Variants in ETV7 observed in about 807,000 individuals in gnomAD.
ETV7 encodes the protein ETS variant transcription factor 7, also known as transcription factor ETV7.
In ETV7, 43 loss-of-function variants were observed where a neutral mutation model predicts 39.1. The ratio of observed to expected loss-of-function variants is 1.10; its 90% CI spans 0.86 to 1.42. The LOEUF (loss-of-function observed/expected upper bound fraction) is 1.42. ETV7 is among the 40% of genes most tolerant of loss of function. The probability of loss-of-function intolerance (pLI) is 0.00; values close to 1 mark genes in which losing one functional copy is unlikely to be tolerated. For synonymous variants in ETV7, 196 were observed against 176.6 expected, an observed-to-expected ratio of 1.11 and a Z score of -0.87; for missense variants, 432 against 442.3, an observed-to-expected ratio of 0.98 and a Z score of 0.21.
intron 6 of ETV7, 110 bp from the exon 7 acceptor site, chr6:36,367,085 G>C (rs1027969899): frequency 1.2e-6 from 1 of 835,910 alleles, no homozygotes; most frequent in Non-Finnish European, 2.0e-6. Flanking sequence ...TCATTCCAGG[G>C]ATCTGTGAGG....
rs370597315 is a variant in ETV7, at chr6:36,376,162, G to C, written c.143-127C>G. ...CCAACCCCCATCATCTTCTGTCGCT[G>C]CCACCTGTTTCTTTCCTTCCTAGCA... On this transcript the variant is annotated intron_variant, in intron 2 of 7. Transcript: ENST00000340181. 1.6e-5 allele frequency: 12 copies of C among 765,678 alleles called. No homozygotes were observed. The Admixed American group carries it at 3.7e-4, about 23-fold the overall frequency. The allele number at this position is 765,678 out of a possible 1,614,324, so 47.4% of individuals were successfully genotyped here. A position where few individuals can be genotyped will look rare whatever the true frequency, so the allele number is the denominator to read the frequency against.
At chr6:36,360,143 G>A (rs148316919) in intron 7 of ETV7, among the ~76,000 whole-genome samples, 6,264 of 152,048 alleles carry the variant, frequency 0.041, 242 homozygotes, top group East Asian at 0.13. Flanking sequence ...CGCCCGCCTC[G>A]GCCTCCCAAA....
rs147857083 is a variant in ETV7 at position 36,376,196 on chromosome 6, T to C, written c.143-161A>G. Among the ~76,000 whole-genome samples, 359 of 152,354 alleles carry C rather than the reference T, an allele frequency of 2.4e-3. 1 individual carries two copies. Among genetic ancestry groups the C allele is most frequent in the African/African-American group, 8.4e-3 (351 of 41,580 alleles). On this transcript the variant is annotated intron_variant, in intron 2 of 7. Transcript: ENST00000340181. The stretch of plus-strand genomic sequence containing the variant: ...TTCTTTCCTTCCTAGCATGTTACGT[T>C]CTTTGTAATTACATTTTACATTGGA...
chr6:36,364,112 A>G (rs552760608), downstream of ETV7, among the ~76,000 whole-genome samples: 75 of 151,974 alleles, frequency 4.9e-4, no homozygotes, highest in African/African-American at 1.7e-3. Context: ...CAATCCCTGA[A>G]CTAGACATAA....
intron 7 of ETV7, among the ~76,000 whole-genome samples, chr6:36,356,340 C>CAAAA (rs979143117): frequency 7.8e-6 from 1 of 128,288 alleles, no homozygotes; most frequent in Non-Finnish European, 1.6e-5. Flanking sequence ...AAAAAAAAAA[C>CAAAA]AAAAAAAAAC....
In ETV7 at chr6:36,371,359, G is replaced by A. The variant is rs2234079; in HGVS notation, c.635C>T (p.Pro212Leu). The change falls in exon 5 of 8, where the codon CCG (proline) becomes CTG (leucine). Residue 212 changes from proline to leucine, a missense_variant. Physicochemically the swap from Pro to Leu is moderately conservative, Grantham distance 98. Coordinates refer to ENST00000340181, the MANE Select transcript of ETV7 (RefSeq NM_016135.4). ...GATCCTGCCGTCAATGGGGGCCTGC[G>A]GCATCGCGGGGAAGGAACAGACCCC... ...TQGVCSFPAM[P>L]QAPIDGRIAD... The A allele has an allele frequency of 0.026, 41,431 of 1,595,568 alleles. 1,727 individuals are homozygous for A. Among genetic ancestry groups the A allele is most frequent in the East Asian group, 0.17 (7,349 of 43,868 alleles).
Position 36,371,432 on chromosome 6 carries a change from C to T in ETV7, c.562G>A (p.Glu188Lys), listed in dbSNP as rs747141817. 5.6e-6 allele frequency: 9 copies of T among 1,601,304 alleles called. No homozygotes were observed. Among genetic ancestry groups the T allele is most frequent in the African/African-American group, 5.3e-5 (4 of 74,824 alleles). The change falls in exon 5 of 8, where the codon GAG becomes AAG. Residue 188 changes from glutamate to lysine, a missense_variant. Coordinates refer to ENST00000340181, the MANE Select transcript of ETV7 (RefSeq NM_016135.4). ...GLARWTPGKE[E>K]SLNLCHCAEL... ...GCACAGTGACATAAGTTGAGGGACT[C>T]CTCCTTGCCAGGGGTCCACCTTGCC...
intron 7 of ETV7, among the ~76,000 whole-genome samples, chr6:36,361,016 A>C (rs972411002): frequency 8.5e-5 from 13 of 152,100 alleles, no homozygotes; most frequent in African/African-American, 3.1e-4. Flanking sequence ...CTTCTGTGCA[A>C]ACTTTCCAAG....
At chr6:36,362,447 C>T (rs1772524390), downstream of ETV7, among the ~76,000 whole-genome samples, 1 of 151,880 alleles carries the variant, frequency 6.6e-6, no homozygotes, top group African/African-American at 2.4e-5. Flanking sequence ...TGAGTGACAG[C>T]AAAACACCTC....
downstream of ETV7, among the ~76,000 whole-genome samples, chr6:36,361,773 T>C (rs1227411888): frequency 1.3e-5 from 2 of 152,274 alleles, no homozygotes; most frequent in African/African-American, 4.8e-5. Context: ...TATACTCATT[T>C]TTCATAAATT....
chr6:36,382,569 G>A (rs756492800), intron 2 of ETV7, among the ~76,000 whole-genome samples: 2 of 152,122 alleles, frequency 1.3e-5, no homozygotes, highest in Non-Finnish European at 2.9e-5. Flanking sequence ...AACTGTTAGC[G>A]CTGATCTATT....
At chr6:36,367,707 C>T (rs1772802024) in intron 6 of ETV7, among the ~76,000 whole-genome samples, 1 of 151,878 alleles carries the variant, frequency 6.6e-6, no homozygotes. Flanking sequence ...TTCTTTCTCT[C>T]TCGGGGGTAG....
chr6:36,369,472 CCACT>C (rs1443864446), intron 5 of ETV7, among the ~76,000 whole-genome samples: 1 of 152,212 alleles, frequency 6.6e-6, no homozygotes, highest in Non-Finnish European at 1.5e-5. Flanking sequence ...TGCCCCTGGC[CCACT>C]CACTCAGCCC....
downstream of ETV7, among the ~76,000 whole-genome samples, chr6:36,363,513 G>C (rs1237019964): frequency 1.3e-5 from 2 of 152,270 alleles, no homozygotes; most frequent in Non-Finnish European, 2.9e-5. Context: ...GGCTTCAGGA[G>C]TGAAGCTGCA....
chr6:36,372,111 C>T (rs1773059762), intron 4 of ETV7, among the ~76,000 whole-genome samples: 1 of 152,200 alleles, frequency 6.6e-6, no homozygotes, highest in Non-Finnish European at 1.5e-5. Flanking sequence ...GCAGGGGTTG[C>T]CACTTTAGAG....
intron 6 of ETV7, among the ~76,000 whole-genome samples, chr6:36,367,484 G>GCGA (rs1248937139): frequency 2.0e-5 from 3 of 151,680 alleles, no homozygotes; most frequent in Non-Finnish European, 4.4e-5. Flanking sequence ...CGAAAGGAAG[G>GCGA]AAGGAAGGAA....
Position 36,371,240 on chromosome 6 carries a change from A to G in ETV7, c.664+90T>C, listed in dbSNP as rs73406988. On this transcript the variant is annotated intron_variant, in intron 5 of 7. Coordinates refer to ENST00000340181, the MANE Select transcript of ETV7 (RefSeq NM_016135.4). ...CCCCAGCCACAGACCTCCCATCACC[A>G]GGTCAAAATAGCCCTGTCCTCATCA... The G allele has an allele frequency of 2.8e-4, 354 of 1,248,328 alleles. No individual in the cohort carries two copies. In the African/African-American group the frequency reaches 4.0e-3, roughly 14 times the overall value. 77.3% of individuals were successfully genotyped at this position (1,248,328 alleles called of 1,614,324 possible).
chr6:36,357,032 T>C (rs372498720), intron 7 of ETV7, among the ~76,000 whole-genome samples: 2 of 152,186 alleles, frequency 1.3e-5, no homozygotes, highest in Non-Finnish European at 2.9e-5. Context: ...GGAGAAGATA[T>C]ATGGCAGACA....
At chr6:36,355,065 T>C (rs765578011) in intron 7 of ETV7, among the ~76,000 whole-genome samples, 12 of 152,218 alleles carry the variant, frequency 7.9e-5, no homozygotes, top group Non-Finnish European at 1.3e-4. Flanking sequence ...CACAGTATCA[T>C]GTTATCTATG....
Sources: allele counts gnomAD v4.1 joint callset (sites outside exome capture counted in the v4.1 genomes callset), GRCh38; gene constraint gnomAD v4.1.1; transcripts MANE v1.5; gene names NCBI Gene and HGNC (gene_info 2026-07-23, HGNC 2026-07-21).